The following FAM120C variants were observed in gnomAD, a reference collection of about 807,000 sequenced individuals.
FAM120C encodes the protein constitutive coactivator of PPAR-gamma-like protein 2.
Under a neutral mutation model 71.2 loss-of-function variants are expected in FAM120C, and 14 were observed. That is an observed-to-expected ratio of 0.20 (90% CI 0.13 to 0.31). The LOEUF (loss-of-function observed/expected upper bound fraction) is 0.31. Ranked by LOEUF, FAM120C falls within the 10% of genes least tolerant of loss-of-function variation. The probability of loss-of-function intolerance (pLI) is 1.00; values close to 1 mark genes in which losing one functional copy is unlikely to be tolerated. For missense variants in FAM120C, 500 were observed against 879.0 expected (o/e 0.57, Z 5.45); for synonymous variants, 354 against 353.2 (o/e 1.00, Z -0.03).
chrX:54,101,973 C>T (rs1053197647), intron 10 of FAM120C, among the ~76,000 whole-genome samples: 2 of 111,264 alleles, frequency 1.8e-5, no homozygotes, highest in Admixed American at 1.9e-4. Context: ...TCCAAAGCTG[C>T]TTCCACATTT....
intron 10 of FAM120C, among the ~76,000 whole-genome samples, chrX:54,105,513 C>T: frequency 8.9e-6 from 1 of 111,933 alleles, no homozygotes; most frequent in East Asian, 2.8e-4. Flanking sequence ...CAGGGATGCC[C>T]TCTCTCACCA....
intron 1 of FAM120C, among the ~76,000 whole-genome samples, chrX:54,172,987 C>T (rs782654419): frequency 6.2e-5 from 7 of 112,309 alleles, no homozygotes; most frequent in Non-Finnish European, 1.3e-4. Flanking sequence ...GAATGTTTAG[C>T]CATCGATGTT....
intron 13 of FAM120C, among the ~76,000 whole-genome samples, 180 bp downstream of exon 13, chrX:54,085,535 C>T (rs945556072): frequency 1.9e-5 from 2 of 107,737 alleles, no homozygotes; most frequent in Non-Finnish European, 3.8e-5. Flanking sequence ...TGCAGTGAGC[C>T]GAGATCACAC....
chrX:54,135,287 T>C (rs2067088934), intron 6 of FAM120C, among the ~76,000 whole-genome samples, 176 bp from the exon 7 acceptor site: 1 of 112,015 alleles, frequency 8.9e-6, no homozygotes, highest in Non-Finnish European at 1.9e-5. Flanking sequence ...GACAGGACAA[T>C]GAACAGTTGA....
intron 9 of FAM120C, among the ~76,000 whole-genome samples, chrX:54,122,934 C>G (rs1279070644): frequency 1.1e-4 from 2 of 18,813 alleles, no homozygotes. Flanking sequence ...AATCTCTCAG[C>G]ATTTGCTTGT....
chrX:54,179,944 G>A (rs1459873860), intron 1 of FAM120C, among the ~76,000 whole-genome samples: 1 of 112,091 alleles, frequency 8.9e-6, no homozygotes, highest in Non-Finnish European at 1.9e-5. Flanking sequence ...ACATGGCAAA[G>A]TTGAGATAAT....
rs192927291 is a variant in FAM120C, at chrX:54,069,284, T to C, written c.*3749A>G. ...GCCAAAGTCACAGGATGGAGAAAAA[T>C]ATAAGATGACACGCAATGGAACAGT... On this transcript the variant is annotated 3_prime_UTR_variant, in exon 16 of 16. Transcript: ENST00000375180. The C allele has an allele frequency of 1.8e-5, 2 of 110,188 alleles. No individual in the cohort carries two copies. The highest frequency in any genetic ancestry group is 6.6e-5 in the African/African-American group (2 of 30,328). The allele number at this position is 110,188 out of a possible 1,213,427, so 9.1% of individuals were successfully genotyped here.
Position 54,071,095 on chromosome X carries a change from G to A in FAM120C, c.*1938C>T, listed in dbSNP as rs2066706855. On this transcript the variant is annotated 3_prime_UTR_variant, in exon 16 of 16. Coordinates refer to ENST00000375180, the MANE Select transcript of FAM120C (RefSeq NM_017848.6). ...TATTTCTGTAGAAATGGTACTTCTT[G>A]GGCAAGAATATCACAAAGCCCAAAA... 1 of 111,996 alleles carries A rather than the reference G, an allele frequency of 8.9e-6. No individual in the cohort carries two copies. Among genetic ancestry groups the A allele is most frequent in the African/African-American group, 3.2e-5 (1 of 30,847 alleles). The allele number at this position is 111,996 out of a possible 1,213,427, so 9.2% of individuals were successfully genotyped here. A position where few individuals can be genotyped will look rare whatever the true frequency, so the allele number is the denominator to read the frequency against.
At position 54,158,405 on chromosome X, in the gene FAM120C, C is replaced by T. The variant is rs781900052; in HGVS notation, c.947-634G>A. 3.6e-5 allele frequency among the ~76,000 whole-genome samples: 4 copies of T among 112,110 alleles called. No homozygotes were observed. The South Asian group carries it at 1.1e-3, about 31-fold the overall frequency. On this transcript the variant is annotated intron_variant, in intron 2 of 15. Coordinates refer to ENST00000375180, the MANE Select transcript of FAM120C (RefSeq NM_017848.6). The stretch of plus-strand genomic sequence containing the variant: ...CTGAGACAGAATACTAACCTTCATG[C>T]GCTAAGTACTTGAAAAACCAATTCA...
rs1438746435 is a variant in FAM120C at position 54,140,285 on chromosome X, C to G, written c.1159-3695G>C. Among the ~76,000 whole-genome samples, 3 of 87,332 alleles carry G rather than the reference C, an allele frequency of 3.4e-5. No individual in the cohort carries two copies. The East Asian group carries it at 1.1e-3, about 31-fold the overall frequency. 75.8% of individuals were successfully genotyped at this position (87,332 alleles called of 115,157 possible). Reference sequence around the variant, plus strand: ...CACTCCAGCCTGGGTGACAGAGACTCTGTCTCAAAAAAAAAAAAAAGAAAA... The same window carrying G: ...CACTCCAGCCTGGGTGACAGAGACTGTGTCTCAAAAAAAAAAAAAAGAAAA... On this transcript the variant is annotated intron_variant, in intron 4 of 15. Coordinates refer to ENST00000375180, the MANE Select transcript of FAM120C (RefSeq NM_017848.6).
chrX:54,180,764 CAG>C (rs1445956609), intron 1 of FAM120C, among the ~76,000 whole-genome samples: 4 of 111,783 alleles, frequency 3.6e-5, no homozygotes, highest in Non-Finnish European at 5.6e-5. Flanking sequence ...ATTTGGAAAA[CAG>C]GGATAATACT....
At chrX:54,079,214 A>G (rs2066751817) in intron 15 of FAM120C, among the ~76,000 whole-genome samples, 1 of 103,111 alleles carries the variant, frequency 9.7e-6, no homozygotes, top group African/African-American at 3.6e-5. Context: ...GTGAGCCGAG[A>G]TCGCGCCACT....
At chrX:54,089,042 C>CT (rs1437648511) in intron 11 of FAM120C, among the ~76,000 whole-genome samples, 1 of 110,989 alleles carries the variant, frequency 9.0e-6, no homozygotes, top group Non-Finnish European at 1.9e-5. Flanking sequence ...GAGTGAGACT[C>CT]TGTCTCCAAA....
At chrX:54,085,396 T>C (rs1557121829) in intron 13 of FAM120C, among the ~76,000 whole-genome samples, 1 of 111,812 alleles carries the variant, frequency 8.9e-6, no homozygotes. Flanking sequence ...GAGACCAGCC[T>C]GACCAACATG....
chrX:54,176,158 C>T (rs189361535), intron 1 of FAM120C, among the ~76,000 whole-genome samples: 2 of 111,059 alleles, frequency 1.8e-5, no homozygotes, highest in East Asian at 2.8e-4. Context: ...TTAGGCCAGG[C>T]GTGGTGGCTC....
intron 4 of FAM120C, among the ~76,000 whole-genome samples, chrX:54,144,864 C>T (rs183684402): frequency 2.3e-4 from 26 of 111,846 alleles, no homozygotes; most frequent in Non-Finnish European, 4.7e-4. Flanking sequence ...CCAAGACAAT[C>T]CTAAGCCAAA....
chrX:54,077,656 G>A (rs989828712), intron 15 of FAM120C, among the ~76,000 whole-genome samples: 4 of 111,061 alleles, frequency 3.6e-5, no homozygotes, highest in Admixed American at 2.9e-4. Context: ...GTGACAGAGC[G>A]AGACCCTGTC....
At chrX:54,135,647 A>T in intron 5 of FAM120C, 43 bp from the exon 6 acceptor site, 3 of 1,074,053 alleles carry the variant, frequency 2.8e-6, no homozygotes, top group Non-Finnish European at 3.9e-6. Context: ...AATCCTAATA[A>T]TTTTACCATG....
At chrX:54,074,988 T>C (rs2146550264) in intron 15 of FAM120C, among the ~76,000 whole-genome samples, 1 of 111,171 alleles carries the variant, frequency 9.0e-6, no homozygotes, top group Non-Finnish European at 1.9e-5. Flanking sequence ...CGAAACCCCA[T>C]GTCTACAAAA....
Sources: allele counts gnomAD v4.1 joint callset (sites outside exome capture counted in the v4.1 genomes callset), GRCh38; gene constraint gnomAD v4.1.1; transcripts MANE v1.5; gene names NCBI Gene and HGNC (gene_info 2026-07-23, HGNC 2026-07-21).